IFNLR1: variants seen among roughly 807,000 people sequenced by gnomAD.
IFNLR1 encodes CRF2-12.
A neutral mutation model predicts 52.5 loss-of-function variants in IFNLR1; 28 were observed. The ratio of observed to expected loss-of-function variants is 0.53; its 90% confidence interval spans 0.40 to 0.73. The LOEUF (loss-of-function observed/expected upper bound fraction) is 0.73, where lower values mean the gene tolerates loss of function less well. IFNLR1 is among the 30% of genes least tolerant of loss of function. The pLI is 0.00. For synonymous variants in IFNLR1, 276 were observed against 274.9 expected (o/e 1.00, Z -0.04); for missense variants, 623 against 659.1 (o/e 0.95, Z 0.60).
rs746191540 is a variant in IFNLR1, at chr1:24,157,320, G to A, written c.1373C>T (p.Pro458Leu). 2.5e-6 allele frequency: 4 copies of A among 1,614,172 alleles called. No individual in the cohort carries two copies. Among genetic ancestry groups the A allele is most frequent in the African/African-American group, 1.3e-5 (1 of 75,046 alleles). The change falls in exon 7 of 7, where the codon CCG (proline) becomes CTG (leucine). Residue 458 changes from proline to leucine, a missense_variant. By Grantham distance (98) the Pro-to-Leu change is moderately conservative. Transcript: ENST00000327535. The surrounding 1 kb of genome is among the most constrained non-coding windows in gnomAD (Gnocchi z 5.1). ...WATWGTLPPE[P>L]NLVPGGPPVS... ...TGGGGGTCCCCCAGGGACCAGATTC[G>A]GCTCCGGTGGTAAGGTGCCCCAGGT...
chr1:24,163,807 G>C (rs542284181), intron 3 of IFNLR1, among the ~76,000 whole-genome samples: 118 of 152,028 alleles, frequency 7.8e-4, no homozygotes, highest in Non-Finnish European at 1.2e-3. Flanking sequence ...TCGAACTGCC[G>C]ACCTCAGGTG....
At chr1:24,181,740 C>G (rs563254610) in intron 1 of IFNLR1, among the ~76,000 whole-genome samples, 19 of 152,282 alleles carry the variant, frequency 1.2e-4, no homozygotes, top group African/African-American at 4.1e-4. Context: ...CCCTGGGTTG[C>G]TGGGAACACA....
chr1:24,187,024 C>T (rs2148606343), intron 1 of IFNLR1, among the ~76,000 whole-genome samples, 167 bp downstream of exon 1: 1 of 152,340 alleles, frequency 6.6e-6, no homozygotes, highest in Non-Finnish European at 1.5e-5. Context: ...CGGTTCTGTT[C>T]AGTCCTGGGA....
intron 3 of IFNLR1, among the ~76,000 whole-genome samples, chr1:24,162,871 CTTTCT>C (rs1409187170): frequency 1.3e-5 from 1 of 75,476 alleles, no homozygotes; most frequent in African/African-American, 5.6e-5. Context: ...TTCTTTCTTT[CTTTCT>C]TTCCTTCCTT....
At chr1:24,169,334 G>T in intron 3 of IFNLR1, 83 bp downstream of exon 3, 1 of 1,313,674 alleles carries the variant, frequency 7.6e-7, no homozygotes. Context: ...CAGATGGTCA[G>T]GAGAACAGAA....
chr1:24,157,396 C>T lies in IFNLR1; in HGVS notation c.1297G>A (p.Asp433Asn). 1 of 1,614,176 alleles carries T rather than the reference C, an allele frequency of 6.2e-7. No individual in the cohort carries two copies. The highest frequency in any genetic ancestry group is 8.5e-7 in the Non-Finnish European group (1 of 1,180,042). ...GGGAGCTCTTCCAGGAAACCCGAGT[C>T]CTTGGAGAATTCAGGTGGTGGGAGA... Reference protein sequence around the residue: ...ESLPPPEFSKDSGFLEELPED... With the variant: ...ESLPPPEFSKNSGFLEELPED... The change falls in exon 7 of 7, where the codon GAC becomes AAC. Residue 433 changes from aspartate to asparagine, a missense_variant. Asp to Asn is a conservative substitution (Grantham distance 23, BLOSUM62 1). Coordinates refer to ENST00000327535, the MANE Select transcript of IFNLR1 (RefSeq NM_170743.4). The surrounding 1 kb of genome is among the most constrained non-coding windows in gnomAD (Gnocchi z 5.1).
rs1644474630 is a variant in IFNLR1, at chr1:24,162,876, T to TTCCTTCCTTCC, written c.368-1193_368-1192insGGAAGGAAGGA. On this transcript the variant is annotated intron_variant, in intron 3 of 6. Transcript: ENST00000327535. Reference sequence around the variant, plus strand: ...CTTTCTTTCTTTCTTTCTTTCTTTCTTTCCTTCCTTCCTTCCTTCCTTCCT... The same window carrying TTCCTTCCTTCC: ...CTTTCTTTCTTTCTTTCTTTCTTTCTTCCTTCCTTCCTTCCTTCCTTCCTTCCTTCCTTCCT... 1.1e-3 allele frequency among the ~76,000 whole-genome samples: 24 copies of TTCCTTCCTTCC among 22,580 alleles called. 1 individual carries two copies. The highest frequency in any genetic ancestry group is 1.9e-3 in the South Asian group (1 of 530). The allele number at this position is 22,580 out of a possible 152,430, so 14.8% of individuals were successfully genotyped here.
In IFNLR1 at chr1:24,162,831, T is replaced by TTTCTTTCTTTCTTTC. The variant is rs201014664; in HGVS notation, c.368-1148_368-1147insGAAAGAAAGAAAGAA. 1.2e-4 allele frequency among the ~76,000 whole-genome samples: 4 copies of TTTCTTTCTTTCTTTC among 33,826 alleles called. 1 individual carries two copies. Among genetic ancestry groups the TTTCTTTCTTTCTTTC allele is most frequent in the Non-Finnish European group, 2.4e-4 (4 of 16,966 alleles). 22.2% of individuals were successfully genotyped at this position (33,826 alleles called of 152,430 possible). A position where few individuals can be genotyped will look rare whatever the true frequency, so the allele number is the denominator to read the frequency against. On this transcript the variant is annotated intron_variant, in intron 3 of 6. Coordinates refer to ENST00000327535, the MANE Select transcript of IFNLR1 (RefSeq NM_170743.4). ...TCTTTCTTTTTTTCTTCTTTCTTTC[T>TTTCTTTCTTTCTTTC]TTTCTTTCTTTCTTTCTTTCTTTCT... is the stretch of plus-strand genomic sequence containing the variant.
rs933780330 is a variant in IFNLR1 at position 24,159,112 on chromosome 1, C to T, written c.741G>A (p.Val247=). ...GGTTCCCCATGAGGGTCTTCCAGATCACACCCCCTGCGGCAATTACTAACA... is the reference window on the plus strand; with the variant it reads ...GGTTCCCCATGAGGGTCTTCCAGATTACACCCCCTGCGGCAATTACTAACA... ...ILLLVIAAGG[V]IWKTLMGNPW... The change falls in exon 6 of 7, where the codon GTG becomes GTA. Residue 247 remains valine, a synonymous_variant. Coordinates refer to ENST00000327535, the MANE Select transcript of IFNLR1 (RefSeq NM_170743.4). 6.8e-6 allele frequency: 11 copies of T among 1,614,156 alleles called. No individual in the cohort carries two copies. Among genetic ancestry groups the T allele is most frequent in the Non-Finnish European group, 9.3e-6 (11 of 1,180,032 alleles).
intron 1 of IFNLR1, among the ~76,000 whole-genome samples, chr1:24,186,007 C>T (rs1412674237): frequency 6.6e-6 from 1 of 152,192 alleles, no homozygotes; most frequent in East Asian, 1.9e-4. Context: ...TCTGGCTGTA[C>T]TTACTCCTAA....
At chr1:24,166,685 C>T (rs576073752) in intron 3 of IFNLR1, among the ~76,000 whole-genome samples, 16 of 151,994 alleles carry the variant, frequency 1.1e-4, no homozygotes, top group Middle Eastern at 3.4e-3. Context: ...TAGCTGGGAC[C>T]ACAGGTGCCC....
intron 3 of IFNLR1, among the ~76,000 whole-genome samples, chr1:24,167,992 C>T (rs1395446651): frequency 3.3e-5 from 5 of 152,192 alleles, no homozygotes; most frequent in Non-Finnish European, 5.9e-5. Context: ...CCACCGCGCC[C>T]GGCTGGCCTC....
intron 3 of IFNLR1, among the ~76,000 whole-genome samples, chr1:24,166,890 T>C (rs1644526157): frequency 6.6e-6 from 1 of 152,228 alleles, no homozygotes; most frequent in Admixed American, 6.5e-5. Flanking sequence ...GATGGTTAAG[T>C]TTATGTGTCA....
intron 4 of IFNLR1, 61 bp from the exon 5 acceptor site, chr1:24,159,694 G>A: frequency 7.0e-7 from 1 of 1,434,036 alleles, no homozygotes; most frequent in Non-Finnish European, 9.7e-7. Flanking sequence ...CACACAGCCA[G>A]GACAGAGTGG....
intron 2 of IFNLR1, among the ~76,000 whole-genome samples, chr1:24,169,944 G>A (rs1569666008): frequency 6.6e-6 from 1 of 152,224 alleles, no homozygotes; most frequent in Admixed American, 6.5e-5. Flanking sequence ...ATTACTATAT[G>A]TTTGTTCATT....
chr1:24,174,618 T>C (rs986536056), intron 2 of IFNLR1, among the ~76,000 whole-genome samples: 1 of 152,148 alleles, frequency 6.6e-6, no homozygotes, highest in South Asian at 2.1e-4. Context: ...TTGCAGAAAT[T>C]AGAAGTTAAA....
chr1:24,157,735 T>C lies in IFNLR1; in HGVS notation c.958A>G (p.Lys320Glu). 6.2e-7 allele frequency: 1 copy of C among 1,614,214 alleles called. No individual in the cohort carries two copies. Among genetic ancestry groups the C allele is most frequent in the Non-Finnish European group, 8.5e-7 (1 of 1,180,040 alleles). Residue 320 changes from lysine (K) to glutamate (E), a missense_variant, in exon 7 of 7, where the codon AAG becomes GAG. By Grantham distance (56) the Lys-to-Glu change is moderately conservative. Transcript: ENST00000327535. The surrounding 1 kb of genome is among the most constrained non-coding windows in gnomAD (Gnocchi z 5.1). The stretch of plus-strand genomic sequence containing the variant: ...TCCTCTTCGTCCTCTGCAAGGTCCT[T>C]CTTCCATCTTGTCTGTTGGGTGGCT... ...APATQQTRWK[K>E]DLAEDEEEED...
In IFNLR1 at chr1:24,157,771, C is replaced by T; in HGVS notation, c.922G>A (p.Val308Ile). Residue 308 changes from valine to isoleucine, a missense_variant, in exon 7 of 7, where the codon GTC becomes ATC. Physicochemically the swap from Val to Ile is conservative, Grantham distance 29. Coordinates refer to ENST00000327535, the MANE Select transcript of IFNLR1 (RefSeq NM_170743.4). This position sits in a 1 kb window ranked among gnomAD's most constrained non-coding sequence, Gnocchi z 5.1. Reference protein sequence around the residue: ...LTRGVRPTPRVRAPATQQTRW... With the variant: ...LTRGVRPTPRIRAPATQQTRW... ...GTCTGTTGGGTGGCTGGGGCCCTGA[C>T]TCGAGGCGTCGGCCTGACCCCTCTG... 1.2e-6 allele frequency: 2 copies of T among 1,614,204 alleles called. No individual in the cohort carries two copies. The highest frequency in any genetic ancestry group is 2.2e-5 in the South Asian group (2 of 91,086).
chr1:24,171,957 T>A (rs992800826), intron 2 of IFNLR1, among the ~76,000 whole-genome samples: 2 of 152,088 alleles, frequency 1.3e-5, no homozygotes, highest in African/African-American at 4.8e-5. Context: ...CCACCACTCC[T>A]GGCCCAGCTA....
Sources: allele counts gnomAD v4.1 joint callset (sites outside exome capture counted in the v4.1 genomes callset), GRCh38; gene constraint gnomAD v4.1.1; non-coding constraint Gnocchi (gnomAD v3.1); transcripts MANE v1.5; gene names NCBI Gene and HGNC (gene_info 2026-07-23, HGNC 2026-07-21).